LTBP2: variants seen among roughly 807,000 people sequenced by gnomAD.
The protein encoded by LTBP2 is latent-transforming growth factor beta-binding protein 2.
In LTBP2, 103 loss-of-function variants were observed where a neutral mutation model predicts 210.6. The observed-to-expected ratio is 0.49, with a 90% CI of 0.42 to 0.58. LTBP2 has a LOEUF of 0.58. Among genes scored for constraint, LTBP2 ranks in the 20% least tolerant of loss-of-function variants. The pLI is 0.00. For missense variants in LTBP2, 2,313 were observed against 2,494.5 expected, an observed-to-expected ratio of 0.93 and a Z score of 1.55; for synonymous variants, 1,007 against 1,015.0, an observed-to-expected ratio of 0.99 and a Z score of 0.15.
At chr14:74,541,360 A>G (rs904743151) in intron 8 of LTBP2, among the ~76,000 whole-genome samples, 5 of 152,170 alleles carry the variant, frequency 3.3e-5, no homozygotes, top group African/African-American at 9.7e-5. Context: ...CAAACACTCA[A>G]ATGGCACTTA....
intron 8 of LTBP2, among the ~76,000 whole-genome samples, chr14:74,548,441 C>T (rs1460815946): frequency 6.6e-6 from 1 of 152,098 alleles, no homozygotes; most frequent in Non-Finnish European, 1.5e-5. Context: ...CTTCTCTACT[C>T]TCTGTCCAGG....
At chr14:74,576,156 C>T (rs527754577) in intron 3 of LTBP2, among the ~76,000 whole-genome samples, 2 of 152,214 alleles carry the variant, frequency 1.3e-5, no homozygotes, top group Non-Finnish European at 2.9e-5. Flanking sequence ...GAGGAAGCAC[C>T]ACCTGTTGGG....
In LTBP2 at chr14:74,506,104, C is replaced by G. The variant is rs2086979782; in HGVS notation, c.4121G>C (p.Ser1374Thr). The G allele has an allele frequency of 6.2e-7, 1 of 1,614,092 alleles. No homozygotes were observed. The highest frequency in any genetic ancestry group is 1.3e-5 in the African/African-American group (1 of 74,950). ...CTGGGCATCGTACTCCTCCAGGTCA[C>G]TGGCACAGAGGCACAGGAAGGAGCC... The part of the protein sequence containing the change: ...VEGSFLCLCA[S>T]DLEEYDAQEG... The change falls in exon 28 of 36, where the codon AGT becomes ACT. Residue 1374 changes from serine (S) to threonine (T), a missense_variant. Physicochemically the swap from Ser to Thr is moderately conservative, Grantham distance 58. Coordinates refer to ENST00000261978, the MANE Select transcript of LTBP2 (RefSeq NM_000428.3).
rs144521879 is a variant in LTBP2, at chr14:74,503,963, G to C, written c.4545C>G (p.Pro1515=). The C allele has an allele frequency of 6.2e-7, 1 of 1,614,144 alleles. No homozygotes were observed. The highest frequency in any genetic ancestry group is 8.5e-7 in the Non-Finnish European group (1 of 1,180,026). The change falls in exon 31 of 36, where the codon CCC becomes CCG. Residue 1515 remains proline (P), a synonymous_variant. Coordinates refer to ENST00000261978, the MANE Select transcript of LTBP2 (RefSeq NM_000428.3). ...TGTGGGAAGCATCGTAGTGGAAGCC[G>C]GGATTGCACAGGCAGACATAACCAG... ...TVPGYVCLCN[P]GFHYDASHKK... is the part of the protein sequence containing the mutation.
chr14:74,565,757 T>C (rs534571340), intron 3 of LTBP2, among the ~76,000 whole-genome samples: 8 of 152,156 alleles, frequency 5.3e-5, no homozygotes, highest in African/African-American at 1.9e-4. Flanking sequence ...GGAAGGATGA[T>C]ATCATTCGAG....
chr14:74,558,967 C>A (rs2087761400), intron 3 of LTBP2, among the ~76,000 whole-genome samples: 1 of 152,138 alleles, frequency 6.6e-6, no homozygotes, highest in Non-Finnish European at 1.5e-5. Context: ...ATCACTGAAA[C>A]AAGAATAGCA....
chr14:74,583,047 G>A (rs1232259813), intron 3 of LTBP2, among the ~76,000 whole-genome samples: 1 of 152,214 alleles, frequency 6.6e-6, no homozygotes, highest in Non-Finnish European at 1.5e-5. Flanking sequence ...AGTCAGCCCA[G>A]ACAACAGCTG....
intron 3 of LTBP2, among the ~76,000 whole-genome samples, chr14:74,574,429 G>A (rs1404411020): frequency 2.0e-5 from 3 of 152,144 alleles, no homozygotes; most frequent in African/African-American, 4.8e-5. Context: ...ATTTGGACAC[G>A]ACACAATTGA....
At chr14:74,506,429 T>C (rs2086985960) in intron 27 of LTBP2, among the ~76,000 whole-genome samples, 1 of 152,200 alleles carries the variant, frequency 6.6e-6, no homozygotes, top group African/African-American at 2.4e-5. Context: ...TACCCCTCAG[T>C]GCACATTCTC....
In LTBP2 at chr14:74,503,779, TC is replaced by T. The variant is rs1468235015; in HGVS notation, c.4582+146del. On this transcript the variant is annotated intron_variant, in intron 31 of 35. Transcript: ENST00000261978. The stretch of plus-strand genomic sequence containing the variant: ...GGGACAATCTCTGACAGCCCACAGC[TC>T]CTTCACCTGGGACCAGCCTGCTGCA... The T allele has an allele frequency of 5.0e-6, 7 of 1,412,646 alleles. No individual in the cohort carries two copies. The African/African-American group carries it at 9.9e-5, about 20-fold the overall frequency. The allele number at this position is 1,412,646 out of a possible 1,614,324, so 87.5% of individuals were successfully genotyped here.
rs1223598710 is a variant in LTBP2, at chr14:74,499,128, T to A, written c.*1756A>T. The A allele has an allele frequency of 4.6e-6, 1 of 216,768 alleles. No homozygotes were observed. The highest frequency in any genetic ancestry group is 9.3e-6 in the Non-Finnish European group (1 of 107,728). 13.4% of individuals were successfully genotyped at this position (216,768 alleles called of 1,614,324 possible). ...GTTATGAGAGTACCTATTTCCCACA[T>A]GCTTGCCAGCTAGGAGTCTTAACAA... is the stretch of plus-strand genomic sequence containing the variant. On this transcript the variant is annotated 3_prime_UTR_variant, in exon 36 of 36. Transcript: ENST00000261978.
At chr14:74,521,377 A>G (rs991079559) in intron 17 of LTBP2, among the ~76,000 whole-genome samples, 2 of 152,198 alleles carry the variant, frequency 1.3e-5, no homozygotes, top group South Asian at 4.1e-4. Context: ...GCATCATTAA[A>G]GGGTTTGCGT....
At chr14:74,510,654 A>T (rs1383863284) in intron 19 of LTBP2, among the ~76,000 whole-genome samples, 1 of 152,196 alleles carries the variant, frequency 6.6e-6, no homozygotes, top group Non-Finnish European at 1.5e-5. Flanking sequence ...GAGGCCAGTC[A>T]TGCCGAGGTG....
chr14:74,556,749 C>T (rs1224541623), intron 3 of LTBP2, among the ~76,000 whole-genome samples: 1 of 152,186 alleles, frequency 6.6e-6, no homozygotes, highest in East Asian at 1.9e-4. Flanking sequence ...AACTCCTGGC[C>T]TCAGGTGATC....
At chr14:74,554,583 T>C (rs140474904) in intron 4 of LTBP2, among the ~76,000 whole-genome samples, 1 of 152,308 alleles carries the variant, frequency 6.6e-6, no homozygotes, top group Non-Finnish European at 1.5e-5. Flanking sequence ...TACGACTCCA[T>C]TCATGTAAAA....
Position 74,510,321 on chromosome 14 carries a change from AGGGGCCGCAGGCCACCTG to A in LTBP2, c.3029-126_3029-109del. On this transcript the variant is annotated intron_variant, in intron 19 of 35. Transcript: ENST00000261978. ...ATGAGGCCAGGGAACCAGCCTTCAG[AGGGGCCGCAGGCCACCTG>A]GGGAGGCCATGAGGCCATGCTCCCT... The A allele has an allele frequency of 4.6e-6, 7 of 1,523,598 alleles. No homozygotes were observed. In the South Asian group the frequency reaches 8.0e-5, roughly 18 times the overall value. The allele number at this position is 1,523,598 out of a possible 1,614,324, so 94.4% of individuals were successfully genotyped here.
chr14:74,538,783 C>T (rs1250247680), intron 8 of LTBP2, among the ~76,000 whole-genome samples: 2 of 152,188 alleles, frequency 1.3e-5, no homozygotes, highest in African/African-American at 2.4e-5. Flanking sequence ...AGGACTGGCC[C>T]GCTCCGGATT....
At chr14:74,551,877 A>G (rs908817684) in intron 6 of LTBP2, among the ~76,000 whole-genome samples, 1 of 152,124 alleles carries the variant, frequency 6.6e-6, no homozygotes, top group Non-Finnish European at 1.5e-5. Flanking sequence ...TCTATTTCCC[A>G]TCCATTCTCC....
chr14:74,508,848 T>A lies in LTBP2; in HGVS notation c.3508A>T (p.Asn1170Tyr). 1.9e-6 allele frequency: 3 copies of A among 1,613,652 alleles called. No homozygotes were observed. Among genetic ancestry groups the A allele is most frequent in the Non-Finnish European group, 2.5e-6 (3 of 1,179,932 alleles). The change falls in exon 23 of 36, where the codon AAT becomes TAT. Residue 1170 changes from asparagine (N) to tyrosine (Y), a missense_variant. This residue lies in a region of LTBP2 where 1,867 missense variants were observed against 1,976.9 expected (regional missense o/e 0.94). Transcript: ENST00000261978. ...CLCPQGFQLA[N>Y]GTVCEDVNEC... is the part of the protein sequence containing the mutation. Reference sequence around the variant, plus strand: ...CACTCACCCTCACACACGGTGCCATTGGCCAGCTGGAAGCCCTGGGGACAG... The same window carrying A: ...CACTCACCCTCACACACGGTGCCATAGGCCAGCTGGAAGCCCTGGGGACAG...
Sources: gnomAD v4.1 joint callset for allele counts (sites outside exome capture counted in the v4.1 genomes callset) on GRCh38, gnomAD v4.1.1 for gene constraint, gnomAD v4.1.1 regional missense constraint, MANE v1.5 for transcripts, NCBI Gene and HGNC (gene_info 2026-07-23, HGNC 2026-07-21) for gene names.